Variants in SCN4A observed in about 807,000 individuals in gnomAD.
SCN4A encodes sodium voltage-gated channel alpha subunit 4.
Under a neutral mutation model 162.0 loss-of-function variants are expected in SCN4A, and 83 were observed. That is an observed-to-expected ratio of 0.51 (90% CI 0.43 to 0.61). The LOEUF is 0.61. Among genes scored for constraint, SCN4A ranks in the 20% least tolerant of loss-of-function variants. SCN4A has a pLI of 0.00. For synonymous variants in SCN4A, 944 were observed against 985.1 expected (o/e 0.96, Z 0.78); for missense variants, 2,196 against 2,462.5 (o/e 0.89, Z 2.29).
rs201379704 is a variant in SCN4A at position 63,972,688 on chromosome 17, G to A, written c.154C>T (p.Arg52Trp). The change falls in exon 1 of 24, where the codon CGG becomes TGG. Residue 52 changes from arginine (R) to tryptophan (W), a missense_variant. Arg to Trp is a moderately radical substitution (Grantham distance 101). Transcript: ENST00000435607. This position sits in a 1 kb window ranked among gnomAD's most constrained non-coding sequence, Gnocchi z 4.3. ...NKQMEIEEPE[R>W]KPRSDLEAGK... ...GCCTCCAAGTCACTTCGTGGCTTCC[G>A]TTCGGGCTCCTCAATCTCCATCTGC... is the stretch of plus-strand genomic sequence containing the variant. 765 of 1,613,644 alleles carry A rather than the reference G, an allele frequency of 4.7e-4. 8 individuals are homozygous for A. The African/African-American group carries it at 8.6e-3, about 18-fold the overall frequency.
intron 11 of SCN4A, among the ~76,000 whole-genome samples, chr17:63,959,689 A>T (rs1298666117): frequency 6.6e-6 from 1 of 152,236 alleles, no homozygotes; most frequent in Admixed American, 6.5e-5. Context: ...GCCTTGTGAC[A>T]GTGGGCAAGG....
chr17:63,953,644 T>C (rs564575145), intron 13 of SCN4A, among the ~76,000 whole-genome samples: 5 of 145,400 alleles, frequency 3.4e-5, no homozygotes, highest in African/African-American at 1.3e-4. Flanking sequence ...TTGCACCCAC[T>C]GCACTCCAGC....
At chr17:63,954,786 G>A (rs747203460) in intron 13 of SCN4A, among the ~76,000 whole-genome samples, 3 of 152,194 alleles carry the variant, frequency 2.0e-5, no homozygotes, top group Admixed American at 6.5e-5. Flanking sequence ...GAGCCACAGA[G>A]CTGGGCTGGG....
rs374319193 is a variant in SCN4A at position 63,941,863 on chromosome 17, G to A, written c.4419C>T (p.Phe1473=). 8.2e-5 allele frequency: 132 copies of A among 1,613,900 alleles called. 1 individual carries two copies. The South Asian group carries it at 9.9e-4, about 12-fold the overall frequency. ...RGAKGIRTLL[F]ALMMSLPALF... ...GGGCAGGCAGCGACATCATGAGGGC[G>A]AACAGCAGCGTCCGGATGCCCTTGG... The change falls in exon 24 of 24, where the codon TTC becomes TTT. Residue 1473 remains phenylalanine, a synonymous_variant. Coordinates refer to ENST00000435607, the MANE Select transcript of SCN4A (RefSeq NM_000334.4). This position sits in a 1 kb window ranked among gnomAD's most constrained non-coding sequence, Gnocchi z 6.2.
chr17:63,944,486 G>T lies in SCN4A; in HGVS notation c.3912+187C>A, dbSNP rs1172707748. On this transcript the variant is annotated intron_variant, in intron 21 of 23. Coordinates refer to ENST00000435607, the MANE Select transcript of SCN4A (RefSeq NM_000334.4). This position sits in a 1 kb window ranked among gnomAD's most constrained non-coding sequence, Gnocchi z 4.3. ...CTCATTTTACAGATAAGGACACCGAGGTTCATGGAGGCCAAGCCACTTGTT... is the reference window on the plus strand; with the variant it reads ...CTCATTTTACAGATAAGGACACCGATGTTCATGGAGGCCAAGCCACTTGTT... Among the ~76,000 whole-genome samples, 1 of 152,130 alleles carries T rather than the reference G, an allele frequency of 6.6e-6. No homozygotes were observed. Among genetic ancestry groups the T allele is most frequent in the Non-Finnish European group, 1.5e-5 (1 of 68,028 alleles).
intron 10 of SCN4A, among the ~76,000 whole-genome samples, chr17:63,963,427 G>A (rs1909330793): frequency 6.6e-6 from 1 of 152,204 alleles, no homozygotes; most frequent in Non-Finnish European, 1.5e-5. Flanking sequence ...GGTTAAGACA[G>A]GACTATATTT....
At chr17:63,953,286 G>C (rs1412957476) in intron 13 of SCN4A, among the ~76,000 whole-genome samples, 3 of 151,910 alleles carry the variant, frequency 2.0e-5, no homozygotes, top group African/African-American at 7.3e-5. Context: ...CTTGAACCCG[G>C]GAGGTGGAGG....
intron 11 of SCN4A, 108 bp from the exon 12 acceptor site, chr17:63,959,546 A>G: frequency 1.0e-6 from 1 of 994,422 alleles, no homozygotes; most frequent in African/African-American, 1.6e-5. Flanking sequence ...GCGGAGGGGA[A>G]GGGGTCCAGA....
At chr17:63,948,090 G>A in intron 16 of SCN4A, 27 bp from the exon 17 acceptor site, 1 of 1,575,410 alleles carries the variant, frequency 6.3e-7, no homozygotes, top group South Asian at 1.1e-5. Flanking sequence ...CACCAGGGTG[G>A]CTGGGGTCCA....
intron 5 of SCN4A, among the ~76,000 whole-genome samples, chr17:63,968,946 T>C (rs1413780199): frequency 1.3e-5 from 2 of 152,190 alleles, no homozygotes; most frequent in Non-Finnish European, 2.9e-5. Flanking sequence ...TTCAAGTGAT[T>C]CTCCTGCCTC....
At chr17:63,966,024 C>T (rs1477463508) in intron 8 of SCN4A, 78 bp downstream of exon 8, 12 of 1,134,394 alleles carry the variant, frequency 1.1e-5, no homozygotes, top group Non-Finnish European at 1.5e-5. Context: ...GTGGTAGGCC[C>T]CATCAGGCCC....
At chr17:63,960,111 C>T (rs533317142) in intron 11 of SCN4A, among the ~76,000 whole-genome samples, 28 of 152,364 alleles carry the variant, frequency 1.8e-4, no homozygotes, top group Admixed American at 3.9e-4. Context: ...TCCCTGAAAG[C>T]TCCCTGGGCA....
chr17:63,942,370 G>A (rs187348248), intron 23 of SCN4A, among the ~76,000 whole-genome samples: 2 of 152,192 alleles, frequency 1.3e-5, no homozygotes, highest in African/African-American at 2.4e-5. Context: ...CACTTCACTT[G>A]TTTGTGCCTC....
In SCN4A at chr17:63,941,457, T is replaced by G. The variant is rs1555600678; in HGVS notation, c.4825A>C (p.Ser1609Arg). ...AAGTCATCTTCACCAAGGGGCTCGC[T>G]GCTCTCCTCTGTGGCCACATTGAAG... ...ENFNVATEES[S>R]EPLGEDDFEM... The change falls in exon 24 of 24, where the codon AGC (serine) becomes CGC (arginine). Residue 1609 changes from serine (S) to arginine (R), a missense_variant. Transcript: ENST00000435607. This position sits in a 1 kb window ranked among gnomAD's most constrained non-coding sequence, Gnocchi z 6.2. 6.2e-7 allele frequency: 1 copy of G among 1,614,164 alleles called. No homozygotes were observed. Among genetic ancestry groups the G allele is most frequent in the Non-Finnish European group, 8.5e-7 (1 of 1,180,026 alleles).
At chr17:63,970,592 T>C (rs1320423714) in intron 5 of SCN4A, among the ~76,000 whole-genome samples, 2 of 152,132 alleles carry the variant, frequency 1.3e-5, no homozygotes, top group Non-Finnish European at 2.9e-5. Context: ...GCCTCCCAAG[T>C]AGCTGGGACT....
chr17:63,968,784 A>C (rs1909532993), intron 5 of SCN4A, among the ~76,000 whole-genome samples: 1 of 152,252 alleles, frequency 6.6e-6, no homozygotes, highest in Non-Finnish European at 1.5e-5. Context: ...GTCATTATGT[A>C]GTTGATCCTA....
At chr17:63,962,071 G>A (rs1404275919) in intron 10 of SCN4A, among the ~76,000 whole-genome samples, 1 of 151,126 alleles carries the variant, frequency 6.6e-6, no homozygotes, top group Non-Finnish European at 1.5e-5. Context: ...CTCAAGCCCC[G>A]CCCTCTTGAC....
intron 9 of SCN4A, 139 bp from the exon 10 acceptor site, chr17:63,963,964 G>A: frequency 3.9e-6 from 3 of 777,634 alleles, no homozygotes; most frequent in Non-Finnish European, 5.9e-6. Flanking sequence ...AGTGCAGGTG[G>A]GGGAGGGACC....
At position 63,963,779 on chromosome 17, in the gene SCN4A, G is replaced by A. The variant is rs1909346097; in HGVS notation, c.1499C>T (p.Pro500Leu). The change falls in exon 10 of 24, where the codon CCA (proline) becomes CTA (leucine). Residue 500 changes from proline (P) to leucine (L), a missense_variant. Physicochemically the swap from Pro to Leu is moderately conservative, Grantham distance 98. Transcript: ENST00000435607. ...ALEGGEADGDPAHGKDCNGSL... is the reference protein window; with the variant it reads ...ALEGGEADGDLAHGKDCNGSL... ...GCCATTGCAGTCTTTGCCATGGGCTGGGTCCCCATCTGCCTCCCCACCTTC... is the reference window on the plus strand; with the variant it reads ...GCCATTGCAGTCTTTGCCATGGGCTAGGTCCCCATCTGCCTCCCCACCTTC... The A allele has an allele frequency of 6.2e-7, 1 of 1,607,576 alleles. No individual in the cohort carries two copies.
Sources: gnomAD v4.1 joint callset for allele counts (sites outside exome capture counted in the v4.1 genomes callset) on GRCh38, gnomAD v4.1.1 for gene constraint, Gnocchi (gnomAD v3.1) non-coding constraint, MANE v1.5 for transcripts, NCBI Gene and HGNC (gene_info 2026-07-23, HGNC 2026-07-21) for gene names.